CSAD: variants seen among roughly 807,000 people sequenced by gnomAD.
CSAD encodes P-selectin cytoplasmic tail-associated protein.
A neutral mutation model predicts 61.5 loss-of-function variants in CSAD; 47 were observed. That is an observed-to-expected ratio of 0.76 (90% CI 0.60 to 0.97). CSAD has a LOEUF of 0.97. Among genes scored for constraint, CSAD ranks in the 50% least tolerant of loss-of-function variants. CSAD has a pLI of 0.00. For synonymous variants in CSAD, 245 were observed against 252.7 expected (o/e 0.97, Z 0.29); for missense variants, 611 against 643.6 (o/e 0.95, Z 0.55).
In CSAD at chr12:53,161,138, A is replaced by C; in HGVS notation, c.873T>G (p.Asp291Glu). Residue 291 changes from aspartate (D) to glutamate (E), a missense_variant, in exon 12 of 17, where the codon GAT (aspartate) becomes GAG (glutamate). By Grantham distance (45) the Asp-to-Glu change is conservative (BLOSUM62 2). Coordinates refer to ENST00000444623, the MANE Select transcript of CSAD (RefSeq NM_001244705.2). ...GGGACTGTATGCACCTCTGGATCCC[A>C]TCCAGGAGATGCCTGTGTGTCTGTG... ...LLSQTHRHLL[D>E]GIQRADSVAW... The C allele has an allele frequency of 6.2e-7, 1 of 1,614,098 alleles. No homozygotes were observed. Among genetic ancestry groups the C allele is most frequent in the Non-Finnish European group, 8.5e-7 (1 of 1,179,978 alleles).
At chr12:53,161,757 G>A (rs1186612074) in intron 10 of CSAD, among the ~76,000 whole-genome samples, 2 of 152,090 alleles carry the variant, frequency 1.3e-5, no homozygotes, top group South Asian at 2.1e-4. Context: ...AGGAGTTCAA[G>A]ACCAGCCTGG....
At chr12:53,170,834 C>A in intron 8 of CSAD, 3 of 385,242 alleles carry the variant, frequency 7.8e-6, no homozygotes, top group South Asian at 6.7e-5. Context: ...AATTCTCGTG[C>A]CTCAGCCTCC....
At chr12:53,164,161 A>T (rs1054686375) in intron 10 of CSAD, among the ~76,000 whole-genome samples, 8 of 152,238 alleles carry the variant, frequency 5.3e-5, no homozygotes, top group Admixed American at 1.3e-4. Context: ...CTTAGAAGAA[A>T]ATATAGGAGT....
intron 2 of CSAD, among the ~76,000 whole-genome samples, chr12:53,178,788 AAAAAAT>A (rs201098413): frequency 0.028 from 4,198 of 152,274 alleles, 177 homozygotes; most frequent in African/African-American, 0.096. Context: ...CCATCTCAAA[AAAAAAT>A]AAAAATAAAA....
At chr12:53,170,156 G>A (rs371198598) in intron 9 of CSAD, 30 bp from the exon 10 acceptor site, 3 of 1,605,142 alleles carry the variant, frequency 1.9e-6, no homozygotes, top group East Asian at 2.2e-5. Flanking sequence ...GGGTAGAGCA[G>A]GGACAGGTTC....
chr12:53,158,487 G>T lies in CSAD; in HGVS notation c.*24C>A. 1 of 1,604,152 alleles carries T rather than the reference G, an allele frequency of 6.2e-7. No individual in the cohort carries two copies. The highest frequency in any genetic ancestry group is 2.2e-5 in the East Asian group (1 of 44,472). On this transcript the variant is annotated 3_prime_UTR_variant, in exon 17 of 17. Transcript: ENST00000444623. The stretch of plus-strand genomic sequence containing the variant: ...CTCTGCGGGTGAGGGGTGGTATCAA[G>T]GCCGGCAGCAAGACAGAGAAGGCTC...
chr12:53,166,120 A>AG (rs36084621), intron 10 of CSAD: 14,113 of 152,254 alleles, frequency 0.093, 777 homozygotes, highest in East Asian at 0.16. Flanking sequence ...TCACAAGGTC[A>AG]GAGTTTGATA....
Position 53,172,505 on chromosome 12 carries a change from C to G in CSAD, c.253+17G>C. ...GGCAAACTCCCAAGTCTCCTCCTCA[C>G]AGAAGCCAGGGCCCACCAGTCTTGA... On this transcript the variant is annotated intron_variant, in intron 5 of 16. Coordinates refer to ENST00000444623, the MANE Select transcript of CSAD (RefSeq NM_001244705.2). The G allele has an allele frequency of 1.9e-6, 3 of 1,614,104 alleles. 1 individual carries two copies. The highest frequency in any genetic ancestry group is 2.2e-5 in the South Asian group (2 of 91,082).
At chr12:53,167,117 A>G (rs1940027458) in intron 10 of CSAD, among the ~76,000 whole-genome samples, 1 of 152,140 alleles carries the variant, frequency 6.6e-6, no homozygotes. Flanking sequence ...AAGCAAAATA[A>G]AACAGTTCCA....
chr12:53,170,722 GTT>G (rs71095994), intron 8 of CSAD: 2,908 of 440,052 alleles, frequency 6.6e-3, no homozygotes, highest in Middle Eastern at 0.012. Flanking sequence ...GCATTTGTTT[GTT>G]TTTTTTTTTT....
Position 53,160,134 on chromosome 12 carries a change from G to GGCCT in CSAD, c.1148_1151dup (p.Phe385GlyfsTer19). The GGCCT allele has an allele frequency of 6.2e-7, 1 of 1,613,436 alleles. No individual in the cohort carries two copies. The highest frequency in any genetic ancestry group is 2.2e-5 in the East Asian group (1 of 44,884). ...CTCCCGCCTACCGGGCAAGGACAAA[G>GGCCT]GCCTGGTCGATGCGCCGCTCCAGCC... is the stretch of plus-strand genomic sequence containing the variant. On this transcript the variant is annotated frameshift_variant, in exon 14 of 17. Coordinates refer to ENST00000444623, the MANE Select transcript of CSAD (RefSeq NM_001244705.2). LOFTEE classifies it high-confidence loss of function.
chr12:53,171,896 C>T lies in CSAD; in HGVS notation c.437G>A (p.Gly146Glu), dbSNP rs765983586. The T allele has an allele frequency of 1.9e-6, 3 of 1,612,794 alleles. No individual in the cohort carries two copies. The Admixed American group carries it at 5.0e-5, about 27-fold the overall frequency. ...TTCTCACAAACCAGGGCAGAAGATTCCGTCCCCAGAGCTCCAGCCCACCAG... is the reference window on the plus strand; with the variant it reads ...TTCTCACAAACCAGGGCAGAAGATTTCGTCCCCAGAGCTCCAGCCCACCAG... The part of the protein sequence containing the change: ...RALVGWSSGD[G>E]IFCPGGSISN... Residue 146 changes from glycine to glutamate, a missense_variant, in exon 7 of 17, where the codon GGA (glycine) becomes GAA (glutamate). Coordinates refer to ENST00000444623, the MANE Select transcript of CSAD (RefSeq NM_001244705.2).
At position 53,158,633 on chromosome 12, in the gene CSAD, C is replaced by T. The variant is rs747302094; in HGVS notation, c.1360G>A (p.Gly454Ser). Residue 454 changes from glycine to serine, a missense_variant, in exon 17 of 17, where the codon GGC becomes AGC. Transcript: ENST00000444623. Reference sequence around the variant, plus strand: ...CCCCGGGTCCCGTGGGGCTGGTAGCCAATCATCATGGAGCCCTCCTTCACC... The same window carrying T: ...CCCCGGGTCCCGTGGGGCTGGTAGCTAATCATCATGGAGCCCTCCTTCACC... ...RMVKEGSMMI[G>S]YQPHGTRGNF... 2.5e-6 allele frequency: 4 copies of T among 1,614,080 alleles called. No homozygotes were observed. Among genetic ancestry groups the T allele is most frequent in the Non-Finnish European group, 3.4e-6 (4 of 1,180,046 alleles).
intron 4 of CSAD, among the ~76,000 whole-genome samples, chr12:53,173,078 C>G (rs1422035147): frequency 6.6e-6 from 1 of 152,058 alleles, no homozygotes; most frequent in South Asian, 2.1e-4. Flanking sequence ...CGTGGTGGCA[C>G]ATGCCTGTAA....
At position 53,180,456 on chromosome 12, in the gene CSAD, G is replaced by T. The variant is rs1407587973; in HGVS notation, c.-91+276C>A. On this transcript the variant is annotated intron_variant, in intron 1 of 16. Transcript: ENST00000444623. ...CAGCGTACAATCATCGAAGGGCCGA[G>T]GGTCCTGCCCTCAGTCTCGATGGCG... 3 of 1,190,972 alleles carry T rather than the reference G, an allele frequency of 2.5e-6. No individual in the cohort carries two copies. The African/African-American group carries it at 5.1e-5, about 20-fold the overall frequency. The allele number at this position is 1,190,972 out of a possible 1,614,324, so 73.8% of individuals were successfully genotyped here.
chr12:53,178,975 T>A (rs1318790593), intron 2 of CSAD, 127 bp downstream of exon 2: 1 of 152,144 alleles, frequency 6.6e-6, no homozygotes, highest in Non-Finnish European at 1.5e-5. Context: ...TGACTCAGCC[T>A]CTCGAGTAGC....
At chr12:53,174,263 G>A (rs1470060320) in intron 2 of CSAD, among the ~76,000 whole-genome samples, 3 of 148,764 alleles carry the variant, frequency 2.0e-5, no homozygotes, top group Admixed American at 6.7e-5. Context: ...AGCAGAGATC[G>A]CGCCACTGCA....
chr12:53,180,522 G>T, intron 1 of CSAD: 1 of 1,273,340 alleles, frequency 7.9e-7, no homozygotes, highest in Non-Finnish European at 1.0e-6. Context: ...GCCGGCCTCA[G>T]CGCTCCCTCC....
At chr12:53,176,907 A>AT (rs780879676) in intron 2 of CSAD, among the ~76,000 whole-genome samples, 11 of 151,606 alleles carry the variant, frequency 7.3e-5, no homozygotes, top group Non-Finnish European at 8.8e-5. Flanking sequence ...TAATTTTTTA[A>AT]TTTTTTGTAA....
Sources: allele counts gnomAD v4.1 joint callset (sites outside exome capture counted in the v4.1 genomes callset), GRCh38; gene constraint gnomAD v4.1.1; transcripts MANE v1.5; gene names NCBI Gene and HGNC (gene_info 2026-07-23, HGNC 2026-07-21).